The following MBD1 variants were observed in gnomAD, a reference collection of about 807,000 sequenced individuals.
MBD1 encodes methyl-CpG-binding domain protein 1.
Under a neutral mutation model 82.6 loss-of-function variants are expected in MBD1, and 25 were observed. The observed-to-expected ratio is 0.30, with a 90% CI of 0.22 to 0.42. MBD1 has a LOEUF of 0.42. MBD1 is among the 10% of genes least tolerant of loss of function. The probability of loss-of-function intolerance (pLI) is 1.00; values close to 1 mark genes in which losing one functional copy is unlikely to be tolerated. For synonymous variants in MBD1, 301 were observed against 303.7 expected, an observed-to-expected ratio of 0.99 and a Z score of 0.09; for missense variants, 627 against 819.6, an observed-to-expected ratio of 0.76 and a Z score of 2.87.
At position 50,269,544 on chromosome 18, in the gene MBD1, TCAGGCCTGCAGC is replaced by T. The variant is rs1307079473; in HGVS notation, c.*295_*306del. 1.8e-5 allele frequency: 13 copies of T among 717,956 alleles called. No individual in the cohort carries two copies. The highest frequency in any genetic ancestry group is 4.0e-5 in the Admixed American group (2 of 50,002). The allele number at this position is 717,956 out of a possible 1,614,324, so 44.5% of individuals were successfully genotyped here. On this transcript the variant is annotated 3_prime_UTR_variant, in exon 17 of 17. Coordinates refer to ENST00000269468, the MANE Select transcript of MBD1 (RefSeq NM_015846.4). ...ATCACCTCGTTGGTGTGGGCAGTAG[TCAGGCCTGCAGC>T]CAGGCCTGCAGCTGCTCCACCTTCC... is the stretch of plus-strand genomic sequence containing the variant.
rs142591009 is a variant in MBD1, at chr18:50,274,562, T to C, written c.979-209A>G. ...TATCACTGTGCCAGCTGGCCCTCGA[T>C]ACCATTAGGACTGTGGCTGCTCCAC... On this transcript the variant is annotated intron_variant, in intron 10 of 16. Transcript: ENST00000269468. 1.5e-3 allele frequency among the ~76,000 whole-genome samples: 231 copies of C among 152,300 alleles called. 2 individuals carry two copies. Among genetic ancestry groups the C allele is most frequent in the Non-Finnish European group, 2.4e-3 (163 of 68,008 alleles).
At chr18:50,270,266 G>A (rs1276162015) in intron 16 of MBD1, 2 of 1,011,128 alleles carry the variant, frequency 2.0e-6, no homozygotes, top group Admixed American at 1.7e-5. Flanking sequence ...GGTAAGGCAA[G>A]GGAGGCACAC....
In MBD1 at chr18:50,274,227, G is replaced by A; in HGVS notation, c.1105C>T (p.Arg369Cys). 2 of 1,614,152 alleles carry A rather than the reference G, an allele frequency of 1.2e-6. No individual in the cohort carries two copies. Among genetic ancestry groups the A allele is most frequent in the Non-Finnish European group, 1.7e-6 (2 of 1,180,040 alleles). Residue 369 changes from arginine to cysteine, a missense_variant, in exon 11 of 17, where the codon CGC (arginine) becomes TGC (cysteine). This residue lies in a region of MBD1 where 12 missense variants were observed against 39.4 expected (regional missense o/e 0.30). Transcript: ENST00000269468. ...CATTGGCGCCAACGACACTTCTGGC[G>A]CTTCTGGTTGCTGCCCCCGAATTTG... ...KPKFGGSNQK[R>C]QKCRWRQCLQ...
chr18:50,269,044 T>C lies in MBD1; in HGVS notation c.*807A>G. On this transcript the variant is annotated 3_prime_UTR_variant, in exon 17 of 17. Transcript: ENST00000269468. ...ATCCATTCACCATTTGTAATACATA[T>C]TGATGCATTTAATAAAATTGCATGG... is the stretch of plus-strand genomic sequence containing the variant. 1 of 986,904 alleles carries C rather than the reference T, an allele frequency of 1.0e-6. No individual in the cohort carries two copies. The highest frequency in any genetic ancestry group is 1.2e-6 in the Non-Finnish European group (1 of 830,632). 61.1% of individuals were successfully genotyped at this position (986,904 alleles called of 1,614,324 possible).
intron 10 of MBD1, 69 bp from the exon 11 acceptor site, chr18:50,274,422 G>A: frequency 2.0e-6 from 3 of 1,531,414 alleles, no homozygotes; most frequent in Non-Finnish European, 2.7e-6. Context: ...GCCTATTCCA[G>A]TGCTGGTCCT....
chr18:50,269,663 C>A lies in MBD1; in HGVS notation c.*188G>T. The A allele has an allele frequency of 2.6e-6, 2 of 762,336 alleles. No individual in the cohort carries two copies. Among genetic ancestry groups the A allele is most frequent in the South Asian group, 2.8e-5 (2 of 72,348 alleles). 47.2% of individuals were successfully genotyped at this position (762,336 alleles called of 1,614,324 possible). ...TGAGGAAGGGCACCAGCTTCTTCTG[C>A]AGGACACCCACATCATCGAAGCTGG... On this transcript the variant is annotated 3_prime_UTR_variant, in exon 17 of 17. Transcript: ENST00000269468.
intron 16 of MBD1, chr18:50,270,171 G>A (rs1198032356): frequency 1.3e-6 from 2 of 1,597,698 alleles, no homozygotes; most frequent in Non-Finnish European, 8.5e-7. Flanking sequence ...GGTGGGGAAG[G>A]TGGCAGAGGC....
chr18:50,277,238 T>C (rs1039941568), intron 2 of MBD1, 34 bp from the exon 3 acceptor site: 2 of 1,505,436 alleles, frequency 1.3e-6, no homozygotes, highest in Non-Finnish European at 1.8e-6. Context: ...AGCACCCAGG[T>C]GGAGCCAATG....
In MBD1 at chr18:50,268,879, A is replaced by T. The variant is rs1020967256; in HGVS notation, c.*972T>A. 1.0e-6 allele frequency: 1 copy of T among 977,496 alleles called. No homozygotes were observed. The highest frequency in any genetic ancestry group is 1.2e-6 in the Non-Finnish European group (1 of 822,808). 60.6% of individuals were successfully genotyped at this position (977,496 alleles called of 1,614,324 possible). ...ACAATAAAAATTTAAAAATAATTTTAAAATAGAACAGCTTAGAGATAGAAA... is the reference window on the plus strand; with the variant it reads ...ACAATAAAAATTTAAAAATAATTTTTAAATAGAACAGCTTAGAGATAGAAA... On this transcript the variant is annotated 3_prime_UTR_variant, in exon 17 of 17. Coordinates refer to ENST00000269468, the MANE Select transcript of MBD1 (RefSeq NM_015846.4).
intron 2 of MBD1, 30 bp downstream of exon 2, chr18:50,279,853 T>C (rs780164665): frequency 6.2e-7 from 1 of 1,613,606 alleles, no homozygotes; most frequent in African/African-American, 1.3e-5. Flanking sequence ...TCTACCCCAC[T>C]CCTGACTCTG....
chr18:50,273,672 G>A lies in MBD1; in HGVS notation c.1338C>T (p.Gly446=). The change falls in exon 12 of 17, where the codon GGC becomes GGT. Residue 446 remains glycine (G), a synonymous_variant. Transcript: ENST00000269468. Reference sequence around the variant, plus strand: ...CAGTGCCAGGCGGGGGCAGCACAAAGCCACCACCTGCTTCCTGCTTCGTTG... The same window carrying A: ...CAGTGCCAGGCGGGGGCAGCACAAAACCACCACCTGCTTCCTGCTTCGTTG... The part of the protein sequence containing the change: ...QAPTKQEAGG[G]FVLPPPGTDL... 6.2e-7 allele frequency: 1 copy of A among 1,614,098 alleles called. No individual in the cohort carries two copies. The highest frequency in any genetic ancestry group is 8.5e-7 in the Non-Finnish European group (1 of 1,180,042).
In MBD1 at chr18:50,269,729, G is replaced by A. The variant is rs750085904; in HGVS notation, c.*122C>T. Reference sequence around the variant, plus strand: ...GACATGGGTTCCAGGCCATCCTCGTGGGTTCCAGCTCGTGCTCGTGGGCTC... The same window carrying A: ...GACATGGGTTCCAGGCCATCCTCGTAGGTTCCAGCTCGTGCTCGTGGGCTC... On this transcript the variant is annotated 3_prime_UTR_variant, in exon 17 of 17. Transcript: ENST00000269468. 5 of 781,220 alleles carry A rather than the reference G, an allele frequency of 6.4e-6. No individual in the cohort carries two copies. Among genetic ancestry groups the A allele is most frequent in the South Asian group, 5.4e-5 (4 of 74,610 alleles). The allele number at this position is 781,220 out of a possible 1,614,324, so 48.4% of individuals were successfully genotyped here.
intron 15 of MBD1, chr18:50,272,345 G>A: frequency 2.7e-6 from 1 of 369,130 alleles, no homozygotes; most frequent in Non-Finnish European, 5.2e-6. Flanking sequence ...CTCTGAATAA[G>A]AATTTATATA....
chr18:50,276,248 G>A, intron 6 of MBD1, 130 bp downstream of exon 6: 1 of 962,356 alleles, frequency 1.0e-6, no homozygotes, highest in Non-Finnish European at 1.6e-6. Flanking sequence ...TGTGTCTGCT[G>A]ACCTATGGAG....
At chr18:50,274,886 C>G in intron 10 of MBD1, 91 bp downstream of exon 10, 1 of 1,335,420 alleles carries the variant, frequency 7.5e-7, no homozygotes, top group Non-Finnish European at 1.1e-6. Context: ...CCTTGCTGTT[C>G]CCCAATAGGC....
chr18:50,272,091 C>G (rs574626761), intron 15 of MBD1, among the ~76,000 whole-genome samples: 12 of 152,288 alleles, frequency 7.9e-5, no homozygotes, highest in Non-Finnish European at 1.6e-4. Context: ...TCAGGAAAGG[C>G]TCAAGAGATC....
chr18:50,279,387 C>A (rs1357757752), intron 2 of MBD1, among the ~76,000 whole-genome samples: 3 of 152,174 alleles, frequency 2.0e-5, no homozygotes, highest in Admixed American at 1.3e-4. Flanking sequence ...AACTTACAGC[C>A]AACAGCATTG....
intron 10 of MBD1, among the ~76,000 whole-genome samples, chr18:50,274,562 T>A (rs142591009): frequency 6.6e-6 from 1 of 152,184 alleles, no homozygotes; most frequent in East Asian, 1.9e-4. Context: ...TGGCCCTCGA[T>A]ACCATTAGGA....
Position 50,274,179 on chromosome 18 carries a change from C to T in MBD1, c.1146+7G>A, listed in dbSNP as rs2036793558. 6.2e-7 allele frequency: 1 copy of T among 1,613,782 alleles called. No individual in the cohort carries two copies. The highest frequency in any genetic ancestry group is 1.3e-5 in the African/African-American group (1 of 74,944). ...CCCGTCCACCTGACCCTTCCTGCCC[C>T]ACCCACCATGGCAAACTGCAGGCAT... On this transcript the variant is annotated splice_region_variant and intron_variant, in intron 11 of 16. Coordinates refer to ENST00000269468, the MANE Select transcript of MBD1 (RefSeq NM_015846.4).
Sources: gnomAD v4.1 joint callset for allele counts (sites outside exome capture counted in the v4.1 genomes callset) on GRCh38, gnomAD v4.1.1 for gene constraint, gnomAD v4.1.1 regional missense constraint, MANE v1.5 for transcripts, NCBI Gene and HGNC (gene_info 2026-07-23, HGNC 2026-07-21) for gene names.